Variants in ZFAND3 observed in about 807,000 individuals in gnomAD.
ZFAND3 encodes the protein zinc finger AN1-type containing 3.
In ZFAND3, 10 loss-of-function variants were observed where a neutral mutation model predicts 29.6. That is an observed-to-expected ratio of 0.34 (90% CI 0.21 to 0.57). The LOEUF is 0.57. Among genes scored for constraint, ZFAND3 ranks in the 20% least tolerant of loss-of-function variants. ZFAND3 has a pLI of 0.86. For missense variants in ZFAND3, 230 were observed against 304.5 expected, an observed-to-expected ratio of 0.76 and a Z score of 1.82; for synonymous variants, 128 against 112.6, an observed-to-expected ratio of 1.14 and a Z score of -0.87.
chr6:38,099,294 G>A (rs1765045636), intron 4 of ZFAND3, among the ~76,000 whole-genome samples: 1 of 152,236 alleles, frequency 6.6e-6, no homozygotes, highest in African/African-American at 2.4e-5. Context: ...TTGTCATGGG[G>A]GACTTAATAT....
intron 5 of ZFAND3, among the ~76,000 whole-genome samples, chr6:38,137,912 A>T: frequency 6.6e-6 from 1 of 152,212 alleles, no homozygotes; most frequent in East Asian, 1.9e-4. Context: ...AGCAGGGATC[A>T]GTCGGGGGCT....
intron 2 of ZFAND3, among the ~76,000 whole-genome samples, chr6:38,002,477 G>A (rs1003933358): frequency 6.6e-6 from 1 of 151,820 alleles, no homozygotes; most frequent in Non-Finnish European, 1.5e-5. Context: ...CCAGGAATCC[G>A]AGACAAGGCT....
In ZFAND3 at chr6:38,144,230, TA is replaced by T. The variant is rs757407627; in HGVS notation, c.530-8004del. ...ATATATAATATATAATATATATATA[TA>T]TTTTTTTTTTAATAAGGTTGCTTGA... is the stretch of plus-strand genomic sequence containing the variant. On this transcript the variant is annotated intron_variant, in intron 5 of 5. Coordinates refer to ENST00000287218, the MANE Select transcript of ZFAND3 (RefSeq NM_021943.3). Among the ~76,000 whole-genome samples, 226 of 56,628 alleles carry T rather than the reference TA, an allele frequency of 4.0e-3. 6 individuals are homozygous for T. Among genetic ancestry groups the T allele is most frequent in the Non-Finnish European group, 5.0e-3 (120 of 24,016 alleles). The allele number at this position is 56,628 out of a possible 152,430, so 37.2% of individuals were successfully genotyped here. A position where few individuals can be genotyped will look rare whatever the true frequency, so the allele number is the denominator to read the frequency against.
chr6:37,929,367 T>G (rs1221832237), intron 1 of ZFAND3, among the ~76,000 whole-genome samples: 2 of 152,192 alleles, frequency 1.3e-5, no homozygotes, highest in Non-Finnish European at 2.9e-5. Context: ...ATTCAGTGAA[T>G]TGTAGCTATT....
chr6:38,126,490 A>G (rs1043291033), intron 5 of ZFAND3, among the ~76,000 whole-genome samples: 5 of 152,172 alleles, frequency 3.3e-5, no homozygotes, highest in African/African-American at 9.7e-5. Context: ...TTCCAAGCTT[A>G]TATCATTTTA....
At chr6:37,891,379 A>G (rs1765095204) in intron 1 of ZFAND3, among the ~76,000 whole-genome samples, 1 of 149,508 alleles carries the variant, frequency 6.7e-6, no homozygotes, top group Non-Finnish European at 1.5e-5. Flanking sequence ...CAAAACTGAC[A>G]GAAATGGATA....
intron 2 of ZFAND3, among the ~76,000 whole-genome samples, chr6:38,016,275 A>G (rs1763251413): frequency 1.3e-5 from 2 of 152,194 alleles, no homozygotes; most frequent in South Asian, 4.1e-4. Flanking sequence ...TTCAAGTAAT[A>G]CCCACTCAAT....
rs73421828 is a variant in ZFAND3 at position 38,110,075 on chromosome 6, T to A, written c.362-6497T>A. Among the ~76,000 whole-genome samples, 230 of 152,300 alleles carry A rather than the reference T, an allele frequency of 1.5e-3. 1 individual carries two copies. The highest frequency in any genetic ancestry group is 4.6e-3 in the African/African-American group (192 of 41,564). On this transcript the variant is annotated intron_variant, in intron 4 of 5. Transcript: ENST00000287218. Reference sequence around the variant, plus strand: ...GGCAGTTTGTGAACAACTGACTTTTTAAATGTTTATGATCTAGGACATGGC... The same window carrying A: ...GGCAGTTTGTGAACAACTGACTTTTAAAATGTTTATGATCTAGGACATGGC...
At chr6:38,131,783 A>T (rs1765747430) in intron 5 of ZFAND3, among the ~76,000 whole-genome samples, 1 of 152,218 alleles carries the variant, frequency 6.6e-6, no homozygotes, top group Admixed American at 6.5e-5. Flanking sequence ...GTGACTAATA[A>T]TGTACAAGAA....
chr6:38,040,587 T>C (rs1233797230), intron 2 of ZFAND3, among the ~76,000 whole-genome samples: 9 of 152,226 alleles, frequency 5.9e-5, no homozygotes, highest in Admixed American at 5.2e-4. Flanking sequence ...TTTGATACAA[T>C]TTCAAACATA....
chr6:37,909,022 C>A (rs542277637), intron 1 of ZFAND3, among the ~76,000 whole-genome samples: 1 of 152,144 alleles, frequency 6.6e-6, no homozygotes, highest in East Asian at 1.9e-4. Flanking sequence ...GGTAAATATA[C>A]CCCAGATGTC....
chr6:38,071,839 T>C (rs1300673006), intron 3 of ZFAND3, among the ~76,000 whole-genome samples: 1 of 152,228 alleles, frequency 6.6e-6, no homozygotes, highest in African/African-American at 2.4e-5. Flanking sequence ...GCTGGCATAG[T>C]ACTCAATAAA....
intron 3 of ZFAND3, among the ~76,000 whole-genome samples, chr6:38,071,990 T>A (rs1425901968): frequency 2.6e-5 from 4 of 152,204 alleles, no homozygotes; most frequent in African/African-American, 9.6e-5. Flanking sequence ...CTTAATTTTT[T>A]AAAATAATTT....
chr6:37,829,471 G>T (rs898437971), intron 1 of ZFAND3, among the ~76,000 whole-genome samples: 3 of 152,188 alleles, frequency 2.0e-5, no homozygotes, highest in Admixed American at 6.5e-5. Flanking sequence ...GGAGGTGGAG[G>T]TTGCAGTGAG....
At chr6:38,031,002 G>C (rs756554532) in intron 2 of ZFAND3, among the ~76,000 whole-genome samples, 4 of 152,196 alleles carry the variant, frequency 2.6e-5, no homozygotes, top group Non-Finnish European at 5.9e-5. Flanking sequence ...AGGGTTCTAA[G>C]TTGTACCTGA....
At chr6:38,050,278 T>G (rs775139088) in intron 2 of ZFAND3, among the ~76,000 whole-genome samples, 4 of 151,914 alleles carry the variant, frequency 2.6e-5, no homozygotes, top group African/African-American at 4.8e-5. Flanking sequence ...ATTCTTTGCT[T>G]CTTTTTCCCC....
intron 2 of ZFAND3, among the ~76,000 whole-genome samples, chr6:37,961,683 G>C (rs1300022750): frequency 6.6e-6 from 1 of 152,176 alleles, no homozygotes; most frequent in Admixed American, 6.5e-5. Context: ...TATTTGTTTG[G>C]GAGAAAGTAC....
intron 5 of ZFAND3, among the ~76,000 whole-genome samples, chr6:38,139,009 G>A (rs1765897894): frequency 6.6e-6 from 1 of 152,204 alleles, no homozygotes; most frequent in Admixed American, 6.5e-5. Context: ...AAATGCAGGA[G>A]GACGTGATGC....
intron 5 of ZFAND3, among the ~76,000 whole-genome samples, chr6:38,125,807 T>TCA (rs1765623840): frequency 6.6e-6 from 1 of 152,222 alleles, no homozygotes; most frequent in Non-Finnish European, 1.5e-5. Context: ...ATTCTTTGTT[T>TCA]AATAAAGTTT....
Sources: allele counts gnomAD v4.1 joint callset (sites outside exome capture counted in the v4.1 genomes callset), GRCh38; gene constraint gnomAD v4.1.1; transcripts MANE v1.5; gene names NCBI Gene and HGNC (gene_info 2026-07-23, HGNC 2026-07-21).